The following SPN variants were observed in gnomAD, a reference collection of about 807,000 sequenced individuals.
The protein encoded by SPN is sialophorin.
A neutral mutation model predicts 8.4 loss-of-function variants in SPN; 6 were observed. That is an observed-to-expected ratio of 0.72 (90% CI 0.39 to 1.42). SPN has a LOEUF of 1.42. Ranked by LOEUF, SPN falls within the 40% of genes most tolerant of loss-of-function variation. The probability of loss-of-function intolerance (pLI) is 0.02; values close to 1 mark genes in which losing one functional copy is unlikely to be tolerated. For synonymous variants in SPN, 201 were observed against 222.6 expected, an observed-to-expected ratio of 0.90 and a Z score of 0.86; for missense variants, 517 against 530.6, an observed-to-expected ratio of 0.97 and a Z score of 0.25.
At position 29,666,518 on chromosome 16, in the gene SPN, TCTCTCTCACACACA is replaced by T. The variant is rs1219621929; in HGVS notation, c.*1589_*1602del. On this transcript the variant is annotated 3_prime_UTR_variant, in exon 2 of 2. Coordinates refer to ENST00000652691, the MANE Select transcript of SPN (RefSeq NM_003123.6). ...TGCATGTGCGCTCTCTCTCTCTCTC[TCTCTCTCACACACA>T]CACACACACACACACACACACGCGC... 2.6e-4 allele frequency: 36 copies of T among 139,728 alleles called. No homozygotes were observed. The highest frequency in any genetic ancestry group is 1.1e-3 in the African/African-American group (34 of 29,904). The allele number at this position is 139,728 out of a possible 1,614,324, so 8.7% of individuals were successfully genotyped here. A position where few individuals can be genotyped will look rare whatever the true frequency, so the allele number is the denominator to read the frequency against.
In SPN at chr16:29,664,680, A is replaced by G. The variant is rs761617103; in HGVS notation, c.952A>G (p.Thr318Ala). 6.7e-7 allele frequency: 1 copy of G among 1,500,566 alleles called. No individual in the cohort carries two copies. The highest frequency in any genetic ancestry group is 2.4e-5 in the East Asian group (1 of 42,538). The allele number at this position is 1,500,566 out of a possible 1,614,324, so 93.0% of individuals were successfully genotyped here. ...CCCTGAGGAGGGGGCCGTGACAGTG[A>G]CCGTGGGAGGGTCCGGGGGCGACAA... The part of the protein sequence containing the change: ...QVPEEGAVTV[T>A]VGGSGGDKGS... Residue 318 changes from threonine to alanine, a missense_variant, in exon 2 of 2, where the codon ACC (threonine) becomes GCC (alanine). By Grantham distance (58) the Thr-to-Ala change is moderately conservative (BLOSUM62 0). Transcript: ENST00000652691. This position sits in a 1 kb window ranked among gnomAD's most constrained non-coding sequence, Gnocchi z 6.4.
In SPN at chr16:29,664,273, C is replaced by T. The variant is rs778934492; in HGVS notation, c.545C>T (p.Thr182Ile). 2 of 1,614,060 alleles carry T rather than the reference C, an allele frequency of 1.2e-6. No individual in the cohort carries two copies. The highest frequency in any genetic ancestry group is 3.3e-5 in the Admixed American group (2 of 60,006). The change falls in exon 2 of 2, where the codon ACC becomes ATC. Residue 182 changes from threonine to isoleucine, a missense_variant. By Grantham distance (89) the Thr-to-Ile change is moderately conservative (BLOSUM62 -1). Transcript: ENST00000652691. This position sits in a 1 kb window ranked among gnomAD's most constrained non-coding sequence, Gnocchi z 6.4. ...ATVSLETSKG[T>I]SGPPVTMATD... ...GTCTCTCTGGAGACTTCCAAAGGCA[C>T]CTCTGGACCCCCTGTTACCATGGCA... is the stretch of plus-strand genomic sequence containing the variant.
Position 29,666,524 on chromosome 16 carries a change from T to TCTCTCTCACACACACACA in SPN, c.*1594_*1595insTCTCTCACACACACACAC, listed in dbSNP as rs1293341953. 1.5e-5 allele frequency: 2 copies of TCTCTCTCACACACACACA among 136,560 alleles called. No individual in the cohort carries two copies. The highest frequency in any genetic ancestry group is 6.2e-5 in the African/African-American group (2 of 32,046). 8.5% of individuals were successfully genotyped at this position (136,560 alleles called of 1,614,324 possible). A position where few individuals can be genotyped will look rare whatever the true frequency, so the allele number is the denominator to read the frequency against. On this transcript the variant is annotated 3_prime_UTR_variant, in exon 2 of 2. Coordinates refer to ENST00000652691, the MANE Select transcript of SPN (RefSeq NM_003123.6). ...TGCGCTCTCTCTCTCTCTCTCTCTC[T>TCTCTCTCACACACACACA]CACACACACACACACACACACACAC...
Position 29,663,715 on chromosome 16 carries a change from C to A in SPN, c.-14C>A. The stretch of plus-strand genomic sequence containing the variant: ...TGCAGGTCCCAGCTCTTGCTCCTGC[C>A]TGTTTGCCTGGAAATGGCCACGCTT... On this transcript the variant is annotated 5_prime_UTR_variant, in exon 2 of 2. It adds an upstream start codon to the 5' untranslated region. Transcript: ENST00000652691. This position sits in a 1 kb window ranked among gnomAD's most constrained non-coding sequence, Gnocchi z 4.3. The A allele has an allele frequency of 6.5e-7, 1 of 1,544,176 alleles. No homozygotes were observed. Among genetic ancestry groups the A allele is most frequent in the Non-Finnish European group, 8.7e-7 (1 of 1,148,402 alleles).
chr16:29,664,623 G>A lies in SPN; in HGVS notation c.895G>A (p.Val299Met), dbSNP rs746570266. ...VLSRGGKRNGVVDAWAGPAQV... is the reference protein window; with the variant it reads ...VLSRGGKRNGMVDAWAGPAQV... ...GAGCAGAGGCGGCAAGCGTAACGGG[G>A]TGGTGGACGCCTGGGCTGGGCCAGC... The change falls in exon 2 of 2, where the codon GTG (valine) becomes ATG (methionine). Residue 299 changes from valine (V) to methionine (M), a missense_variant. Coordinates refer to ENST00000652691, the MANE Select transcript of SPN (RefSeq NM_003123.6). The surrounding 1 kb of genome is among the most constrained non-coding windows in gnomAD (Gnocchi z 6.4). 4 of 1,591,098 alleles carry A rather than the reference G, an allele frequency of 2.5e-6. No individual in the cohort carries two copies. In the South Asian group the frequency reaches 4.6e-5, roughly 18 times the overall value.
Position 29,667,162 on chromosome 16 carries a change from C to T in SPN, c.*2231C>T, listed in dbSNP as rs1966827529. ...AGGCTGGGCACCCACTGGGCTGCAT[C>T]TGGTGGCCTTTTCTGATTGCTATTT... On this transcript the variant is annotated 3_prime_UTR_variant, in exon 2 of 2. Coordinates refer to ENST00000652691, the MANE Select transcript of SPN (RefSeq NM_003123.6). 2.6e-6 allele frequency: 1 copy of T among 390,446 alleles called. No individual in the cohort carries two copies. Among genetic ancestry groups the T allele is most frequent in the African/African-American group, 2.1e-5 (1 of 47,404 alleles). The allele number at this position is 390,446 out of a possible 1,614,324, so 24.2% of individuals were successfully genotyped here. A position where few individuals can be genotyped will look rare whatever the true frequency, so the allele number is the denominator to read the frequency against.
rs1223014256 is a variant in SPN, at chr16:29,664,598, G to C, written c.870G>C (p.Leu290=). The C allele has an allele frequency of 2.5e-6, 4 of 1,607,742 alleles. No individual in the cohort carries two copies. Residue 290 remains leucine (L), a synonymous_variant, in exon 2 of 2, where the codon CTG becomes CTC. Coordinates refer to ENST00000652691, the MANE Select transcript of SPN (RefSeq NM_003123.6). The surrounding 1 kb of genome is among the most constrained non-coding windows in gnomAD (Gnocchi z 6.4). The part of the protein sequence containing the change: ...RQKRRTGALV[L]SRGGKRNGVV... ...AGCGGCGGACTGGGGCCCTCGTGCT[G>C]AGCAGAGGCGGCAAGCGTAACGGGG...
chr16:29,666,715 A>G lies in SPN; in HGVS notation c.*1784A>G. 1 of 365,976 alleles carries G rather than the reference A, an allele frequency of 2.7e-6. No individual in the cohort carries two copies. 22.7% of individuals were successfully genotyped at this position (365,976 alleles called of 1,614,324 possible). A position where few individuals can be genotyped will look rare whatever the true frequency, so the allele number is the denominator to read the frequency against. Reference sequence around the variant, plus strand: ...GGGGCTGAGCCCCTTCCATCCTCCAAGAGGAACCAGTGAGAGTGAGTGAAG... The same window carrying G: ...GGGGCTGAGCCCCTTCCATCCTCCAGGAGGAACCAGTGAGAGTGAGTGAAG... On this transcript the variant is annotated 3_prime_UTR_variant, in exon 2 of 2. Transcript: ENST00000652691.
chr16:29,663,737 G>GCTTCTC lies in SPN; in HGVS notation c.19_24dup (p.Leu7_Leu8dup). 2 of 1,565,178 alleles carry GCTTCTC rather than the reference G, an allele frequency of 1.3e-6. No individual in the cohort carries two copies. The highest frequency in any genetic ancestry group is 1.7e-6 in the Non-Finnish European group (2 of 1,157,422). ...TGCCTGTTTGCCTGGAAATGGCCAC[G>GCTTCTC]CTTCTCCTTCTCCTTGGGGTGCTGG... On this transcript the variant is annotated inframe_insertion, in exon 2 of 2. Coordinates refer to ENST00000652691, the MANE Select transcript of SPN (RefSeq NM_003123.6). The surrounding 1 kb of genome is among the most constrained non-coding windows in gnomAD (Gnocchi z 4.3).
At position 29,670,483 on chromosome 16, in the gene SPN, C is replaced by T. The variant is rs947860114; in HGVS notation, c.*5552C>T. 2.2e-5 allele frequency: 4 copies of T among 181,840 alleles called. No homozygotes were observed. Among genetic ancestry groups the T allele is most frequent in the African/African-American group, 4.8e-5 (2 of 41,400 alleles). 11.3% of individuals were successfully genotyped at this position (181,840 alleles called of 1,614,324 possible). Reference sequence around the variant, plus strand: ...TAGTCTGGGCGACAGAGCAAGACTCCGTCTTGGAAAAAAATTTAAAAAAAG... The same window carrying T: ...TAGTCTGGGCGACAGAGCAAGACTCTGTCTTGGAAAAAAATTTAAAAAAAG... On this transcript the variant is annotated 3_prime_UTR_variant, in exon 2 of 2. Coordinates refer to ENST00000652691, the MANE Select transcript of SPN (RefSeq NM_003123.6).
rs1310219080 is a variant in SPN at position 29,664,758 on chromosome 16, A to T, written c.1030A>T (p.Thr344Ser). 6.7e-7 allele frequency: 1 copy of T among 1,492,182 alleles called. No homozygotes were observed. Among genetic ancestry groups the T allele is most frequent in the Non-Finnish European group, 8.9e-7 (1 of 1,122,766 alleles). The allele number at this position is 1,492,182 out of a possible 1,614,324, so 92.4% of individuals were successfully genotyped here. A position where few individuals can be genotyped will look rare whatever the true frequency, so the allele number is the denominator to read the frequency against. ...GTCTAGCCGTCGGCCCACGCTCACC[A>T]CTTTCTTTGGCAGACGGAAGTCTCG... ...EGSSRRPTLT[T>S]FFGRRKSRQG... Residue 344 changes from threonine (T) to serine (S), a missense_variant, in exon 2 of 2, where the codon ACT (threonine) becomes TCT (serine). Thr to Ser is a moderately conservative substitution (Grantham distance 58). Coordinates refer to ENST00000652691, the MANE Select transcript of SPN (RefSeq NM_003123.6). This position sits in a 1 kb window ranked among gnomAD's most constrained non-coding sequence, Gnocchi z 6.4.
chr16:29,664,864 G>T lies in SPN; in HGVS notation c.1136G>T (p.Ser379Ile), dbSNP rs1966789085. The T allele has an allele frequency of 1.3e-6, 2 of 1,496,852 alleles. No individual in the cohort carries two copies. Among genetic ancestry groups the T allele is most frequent in the East Asian group, 4.7e-5 (2 of 42,448 alleles). The allele number at this position is 1,496,852 out of a possible 1,614,324, so 92.7% of individuals were successfully genotyped here. A position where few individuals can be genotyped will look rare whatever the true frequency, so the allele number is the denominator to read the frequency against. The change falls in exon 2 of 2, where the codon AGT becomes ATT. Residue 379 changes from serine (S) to isoleucine (I), a missense_variant. Ser to Ile is a moderately radical substitution (Grantham distance 142, BLOSUM62 -2). Transcript: ENST00000652691. The surrounding 1 kb of genome is among the most constrained non-coding windows in gnomAD (Gnocchi z 6.4). ...GGGGAGGAGGAGCCACTGGTGGCCA[G>T]TGAGGATGGGGCTGTGGACGCCCCA... ...LKGEEEPLVA[S>I]EDGAVDAPAP...
Position 29,666,896 on chromosome 16 carries a change from G to A in SPN, c.*1965G>A. The A allele has an allele frequency of 2.1e-6, 1 of 470,906 alleles. No homozygotes were observed. Among genetic ancestry groups the A allele is most frequent in the Non-Finnish European group, 4.4e-6 (1 of 226,896 alleles). 29.2% of individuals were successfully genotyped at this position (470,906 alleles called of 1,614,324 possible). ...CGAGGACAAAGAGGAAATTTTCAAAGAGGAAGTTGTTGAGTTAGAGCTTGC... is the reference window on the plus strand; with the variant it reads ...CGAGGACAAAGAGGAAATTTTCAAAAAGGAAGTTGTTGAGTTAGAGCTTGC... On this transcript the variant is annotated 3_prime_UTR_variant, in exon 2 of 2. Coordinates refer to ENST00000652691, the MANE Select transcript of SPN (RefSeq NM_003123.6).
Position 29,664,708 on chromosome 16 carries a change from G to T in SPN, c.980G>T (p.Gly327Val). Residue 327 changes from glycine to valine, a missense_variant, in exon 2 of 2, where the codon GGC (glycine) becomes GTC (valine). Coordinates refer to ENST00000652691, the MANE Select transcript of SPN (RefSeq NM_003123.6). The surrounding 1 kb of genome is among the most constrained non-coding windows in gnomAD (Gnocchi z 6.4). ...VTVGGSGGDK[G>V]SGFPDGEGSS... Reference sequence around the variant, plus strand: ...GTGGGAGGGTCCGGGGGCGACAAGGGCTCTGGGTTCCCCGATGGGGAGGGG... The same window carrying T: ...GTGGGAGGGTCCGGGGGCGACAAGGTCTCTGGGTTCCCCGATGGGGAGGGG... 1.4e-6 allele frequency: 2 copies of T among 1,480,966 alleles called. No homozygotes were observed. Among genetic ancestry groups the T allele is most frequent in the Non-Finnish European group, 1.8e-6 (2 of 1,116,934 alleles). The allele number at this position is 1,480,966 out of a possible 1,614,324, so 91.7% of individuals were successfully genotyped here.
In SPN at chr16:29,667,383, G is replaced by C. The variant is rs1003508974; in HGVS notation, c.*2452G>C. ...GTTTTCTAAGCCAGGACTGGTTTTAGTCAGGTCCTGGGCGAATCCTGAAAA... is the reference window on the plus strand; with the variant it reads ...GTTTTCTAAGCCAGGACTGGTTTTACTCAGGTCCTGGGCGAATCCTGAAAA... On this transcript the variant is annotated 3_prime_UTR_variant, in exon 2 of 2. Coordinates refer to ENST00000652691, the MANE Select transcript of SPN (RefSeq NM_003123.6). 4.7e-6 allele frequency: 1 copy of C among 213,220 alleles called. No homozygotes were observed. Among genetic ancestry groups the C allele is most frequent in the South Asian group, 8.5e-5 (1 of 11,752 alleles). The allele number at this position is 213,220 out of a possible 1,614,324, so 13.2% of individuals were successfully genotyped here. A position where few individuals can be genotyped will look rare whatever the true frequency, so the allele number is the denominator to read the frequency against.
Position 29,665,185 on chromosome 16 carries a change from A to C in SPN, c.*254A>C. ...TTCTCCTGCCTCAGCTTCCCGAGTA[A>C]CTGAGATTACAGGCACCCACCACCA... On this transcript the variant is annotated 3_prime_UTR_variant, in exon 2 of 2. Transcript: ENST00000652691. 2.6e-6 allele frequency: 1 copy of C among 378,914 alleles called. No homozygotes were observed. 23.5% of individuals were successfully genotyped at this position (378,914 alleles called of 1,614,324 possible).
chr16:29,665,901 C>T lies in SPN; in HGVS notation c.*970C>T, dbSNP rs971370894. 1 of 167,182 alleles carries T rather than the reference C, an allele frequency of 6.0e-6. No individual in the cohort carries two copies. The highest frequency in any genetic ancestry group is 2.4e-5 in the African/African-American group (1 of 41,460). The allele number at this position is 167,182 out of a possible 1,614,324, so 10.4% of individuals were successfully genotyped here. ...GCCCTGGCCCACACCACCACACTCTCCCCAGCCATGGACAGAGGCAGCCAG... is the reference window on the plus strand; with the variant it reads ...GCCCTGGCCCACACCACCACACTCTTCCCAGCCATGGACAGAGGCAGCCAG... On this transcript the variant is annotated 3_prime_UTR_variant, in exon 2 of 2. Transcript: ENST00000652691.
Position 29,664,673 on chromosome 16 carries a change from G to A in SPN, c.945G>A (p.Val315=). ...CCCAGGTCCCTGAGGAGGGGGCCGT[G>A]ACAGTGACCGTGGGAGGGTCCGGGG... ...GPAQVPEEGA[V]TVTVGGSGGD... is the part of the protein sequence containing the mutation. The change falls in exon 2 of 2, where the codon GTG becomes GTA. Residue 315 remains valine, a synonymous_variant. Coordinates refer to ENST00000652691, the MANE Select transcript of SPN (RefSeq NM_003123.6). The surrounding 1 kb of genome is among the most constrained non-coding windows in gnomAD (Gnocchi z 6.4). 6.6e-7 allele frequency: 1 copy of A among 1,508,718 alleles called. No homozygotes were observed. Among genetic ancestry groups the A allele is most frequent in the African/African-American group, 1.4e-5 (1 of 71,840 alleles). The allele number at this position is 1,508,718 out of a possible 1,614,324, so 93.5% of individuals were successfully genotyped here.
In SPN at chr16:29,664,838, AG is replaced by A; in HGVS notation, c.1114del (p.Glu372ArgfsTer33). On this transcript the variant is annotated frameshift_variant, in exon 2 of 2. Transcript: ENST00000652691. LOFTEE classifies it high-confidence loss of function. This position sits in a 1 kb window ranked among gnomAD's most constrained non-coding sequence, Gnocchi z 6.4. ...AGTCTGGGTCAGGCCCCAGCCTCAA[AG>A]GGGAGGAGGAGCCACTGGTGGCCAG... Reference protein sequence around the residue: ...LKSGSGPSLKGEEEPLVASED... With the variant: ...LKSGSGPSLKXEEEPLVASED... The A allele has an allele frequency of 6.7e-7, 1 of 1,498,452 alleles. No individual in the cohort carries two copies. The highest frequency in any genetic ancestry group is 8.9e-7 in the Non-Finnish European group (1 of 1,127,076). The allele number at this position is 1,498,452 out of a possible 1,614,324, so 92.8% of individuals were successfully genotyped here.
Sources: allele counts gnomAD v4.1 joint callset, GRCh38; gene constraint gnomAD v4.1.1; non-coding constraint Gnocchi (gnomAD v3.1); transcripts MANE v1.5; gene names NCBI Gene and HGNC (gene_info 2026-07-23, HGNC 2026-07-21).